The following GRID2 variants were observed in gnomAD, a reference collection of about 807,000 sequenced individuals.
GRID2 encodes glutamate ionotropic receptor delta type subunit 2.
A neutral mutation model predicts 114.8 loss-of-function variants in GRID2; 33 were observed. The observed-to-expected ratio is 0.29, with a 90% CI of 0.22 to 0.38. The LOEUF (loss-of-function observed/expected upper bound fraction) is 0.38. Among genes scored for constraint, GRID2 ranks in the 10% least tolerant of loss-of-function variants. The pLI is 1.00. For missense variants in GRID2, 1,184 were observed against 1,257.7 expected (o/e 0.94, Z 0.89); for synonymous variants, 505 against 449.9 (o/e 1.12, Z -1.55).
chr4:92,824,032 C>T (rs535166256), intron 2 of GRID2, among the ~76,000 whole-genome samples: 1 of 152,124 alleles, frequency 6.6e-6, no homozygotes, highest in African/African-American at 2.4e-5. Flanking sequence ...TACAAAGGGA[C>T]CTTCAATCTG....
intron 14 of GRID2, among the ~76,000 whole-genome samples, chr4:93,629,013 C>T (rs558717032): frequency 3.3e-5 from 5 of 152,188 alleles, no homozygotes; most frequent in African/African-American, 7.2e-5. Flanking sequence ...GTGATCCTCC[C>T]GCCTCAGCCT....
intron 8 of GRID2, among the ~76,000 whole-genome samples, chr4:93,291,577 T>C (rs1486134845): frequency 2.0e-5 from 3 of 152,194 alleles, no homozygotes; most frequent in Non-Finnish European, 4.4e-5. Flanking sequence ...AAACTACTAG[T>C]GGGCTTTTTA....
chr4:93,587,855 G>A (rs1431975242), intron 13 of GRID2, among the ~76,000 whole-genome samples: 4 of 152,048 alleles, frequency 2.6e-5, no homozygotes, highest in Non-Finnish European at 4.4e-5. Flanking sequence ...TTGAAGTAAG[G>A]TTGATGTGGA....
At chr4:92,480,865 T>TGATTA (rs1722554764) in intron 1 of GRID2, among the ~76,000 whole-genome samples, 1 of 152,186 alleles carries the variant, frequency 6.6e-6, no homozygotes, top group South Asian at 2.1e-4. Flanking sequence ...CTGCTACCTG[T>TGATTA]GATTAGAGCT....
At chr4:93,510,465 TA>T (rs955384284) in intron 12 of GRID2, among the ~76,000 whole-genome samples, 24 of 152,254 alleles carry the variant, frequency 1.6e-4, no homozygotes, top group African/African-American at 5.5e-4. Context: ...TTAGATTTTT[TA>T]AAAAAATAGT....
chr4:93,012,275 C>T (rs1464004347), intron 2 of GRID2, among the ~76,000 whole-genome samples: 2 of 152,036 alleles, frequency 1.3e-5, no homozygotes, highest in Non-Finnish European at 2.9e-5. Context: ...TTTTGTCTCT[C>T]CTTCAAATCA....
intron 14 of GRID2, among the ~76,000 whole-genome samples, chr4:93,731,773 A>G (rs1433521889): frequency 6.6e-6 from 1 of 152,132 alleles, no homozygotes; most frequent in Non-Finnish European, 1.5e-5. Flanking sequence ...CTAAAAGACT[A>G]GACACTTTCC....
chr4:93,695,644 C>G (rs1726955308), intron 14 of GRID2, among the ~76,000 whole-genome samples: 1 of 152,138 alleles, frequency 6.6e-6, no homozygotes, highest in Non-Finnish European at 1.5e-5. Context: ...TTGTTTGGCT[C>G]TATTTTCTCT....
chr4:92,919,197 A>G (rs1322421417), intron 2 of GRID2, among the ~76,000 whole-genome samples: 1 of 152,144 alleles, frequency 6.6e-6, no homozygotes, highest in Non-Finnish European at 1.5e-5. Context: ...CAGTGGTGAT[A>G]TCCCCTTTAT....
chr4:93,735,295 T>C (rs1173343230), intron 14 of GRID2, among the ~76,000 whole-genome samples: 2 of 152,078 alleles, frequency 1.3e-5, no homozygotes, highest in Non-Finnish European at 2.9e-5. Context: ...CCAGTGGTCA[T>C]AGGCCTTGGT....
intron 2 of GRID2, among the ~76,000 whole-genome samples, chr4:92,992,995 A>C (rs928537055): frequency 2.6e-5 from 4 of 152,056 alleles, no homozygotes; most frequent in African/African-American, 7.2e-5. Flanking sequence ...AGTGAGGCTT[A>C]CTGGCTTCAC....
chr4:93,071,989 A>G (rs1001439055), intron 2 of GRID2, among the ~76,000 whole-genome samples: 3 of 152,160 alleles, frequency 2.0e-5, no homozygotes, highest in Non-Finnish European at 4.4e-5. Context: ...GGAAAACACA[A>G]TGTCAAAAAA....
intron 13 of GRID2, among the ~76,000 whole-genome samples, chr4:93,566,133 C>G (rs1735390151): frequency 6.6e-6 from 1 of 152,110 alleles, no homozygotes; most frequent in Non-Finnish European, 1.5e-5. Flanking sequence ...AACCCAAACA[C>G]CCATTATTTA....
chr4:93,188,660 G>A (rs1386138970), intron 4 of GRID2, among the ~76,000 whole-genome samples: 3 of 152,128 alleles, frequency 2.0e-5, no homozygotes, highest in African/African-American at 7.2e-5. Flanking sequence ...GAATTTTCCA[G>A]ATCTTTTTCT....
At chr4:93,296,407 G>T (rs1199094774) in intron 8 of GRID2, among the ~76,000 whole-genome samples, 1 of 151,812 alleles carries the variant, frequency 6.6e-6, no homozygotes, top group Non-Finnish European at 1.5e-5. Flanking sequence ...GTTCCACATG[G>T]TATCTCTAGG....
chr4:93,256,220 T>A (rs953873267), intron 8 of GRID2, among the ~76,000 whole-genome samples: 4 of 152,092 alleles, frequency 2.6e-5, no homozygotes, highest in Admixed American at 1.3e-4. Context: ...CCTTTTCTTT[T>A]TTTGAATGGC....
intron 13 of GRID2, among the ~76,000 whole-genome samples, chr4:93,566,731 C>T (rs1160211086): frequency 6.6e-6 from 1 of 152,078 alleles, no homozygotes; most frequent in Admixed American, 6.6e-5. Context: ...GCTTGCCCCT[C>T]TGCCCTCCAG....
intron 9 of GRID2, among the ~76,000 whole-genome samples, chr4:93,399,490 G>A (rs1579954896): frequency 2.6e-5 from 4 of 152,072 alleles, no homozygotes; most frequent in East Asian, 3.9e-4. Flanking sequence ...TTAAATAGAG[G>A]TATTATTGAC....
chr4:93,545,020 T>A (rs1733072030), intron 13 of GRID2, among the ~76,000 whole-genome samples: 1 of 152,160 alleles, frequency 6.6e-6, no homozygotes, highest in South Asian at 2.1e-4. Context: ...AGTGAATTAA[T>A]CACTCACTTC....
Sources: gnomAD v4.1 joint callset for allele counts (sites outside exome capture counted in the v4.1 genomes callset) on GRCh38, gnomAD v4.1.1 for gene constraint, MANE v1.5 for transcripts, NCBI Gene and HGNC (gene_info 2026-07-23, HGNC 2026-07-21) for gene names.